The following SP140 variants were observed in gnomAD, a reference collection of about 807,000 sequenced individuals.
SP140 encodes nuclear body protein SP140.
Under a neutral mutation model 125.0 loss-of-function variants are expected in SP140, and 81 were observed. The observed-to-expected ratio is 0.65, with a 90% CI of 0.54 to 0.78. The LOEUF (loss-of-function observed/expected upper bound fraction) is 0.78, where lower values mean the gene tolerates loss of function less well. Among genes scored for constraint, SP140 ranks in the 30% least tolerant of loss-of-function variants. The pLI is 0.00. For synonymous variants in SP140, 312 were observed against 354.0 expected, an observed-to-expected ratio of 0.88 and a Z score of 1.33; for missense variants, 858 against 1,037.0, an observed-to-expected ratio of 0.83 and a Z score of 2.37.
chr2:230,283,219 C>T (rs2055866476), intron 15 of SP140, among the ~76,000 whole-genome samples: 1 of 152,192 alleles, frequency 6.6e-6, no homozygotes, highest in African/African-American at 2.4e-5. Context: ...TTCTGAAAGA[C>T]AGATATCACC....
intron 22 of SP140, among the ~76,000 whole-genome samples, chr2:230,297,697 C>A (rs2057882181): frequency 6.6e-6 from 1 of 152,162 alleles, no homozygotes; most frequent in African/African-American, 2.4e-5. Flanking sequence ...TCCTTATTTC[C>A]CCTGGAAAGT....
chr2:230,279,388 G>A (rs530243794), intron 15 of SP140, among the ~76,000 whole-genome samples: 1 of 151,904 alleles, frequency 6.6e-6, no homozygotes, highest in South Asian at 2.1e-4. Flanking sequence ...AAACAAACTG[G>A]AGGCATCATA....
At chr2:230,292,545 G>T (rs560092543) in intron 19 of SP140, 101 bp from the exon 20 acceptor site, 9 of 1,468,780 alleles carry the variant, frequency 6.1e-6, no homozygotes, top group African/African-American at 2.8e-5. Flanking sequence ...CTATTGATCT[G>T]CATCACAAAT....
intron 9 of SP140, among the ~76,000 whole-genome samples, chr2:230,249,195 T>C (rs3813466): frequency 0.64 from 96,548 of 151,944 alleles, 31,051 homozygotes; most frequent in African/African-American, 0.7. Flanking sequence ...GCATGGGGAA[T>C]GTAGGGAGAA....
intron 15 of SP140, among the ~76,000 whole-genome samples, chr2:230,281,669 C>G (rs1055542177): frequency 3.9e-5 from 6 of 152,110 alleles, no homozygotes; most frequent in African/African-American, 1.4e-4. Flanking sequence ...AGCATATTCT[C>G]TTTAGAGTGG....
intron 3 of SP140, chr2:230,238,776 G>A (rs749328523): frequency 9.2e-5 from 142 of 1,551,744 alleles, no homozygotes; most frequent in Non-Finnish European, 1.1e-4. Context: ...TTATCATCCA[G>A]TGCAGTCCTG....
chr2:230,269,600 C>T lies in SP140; in HGVS notation c.1309C>T (p.Leu437=), dbSNP rs2053623056. 3.2e-6 allele frequency: 5 copies of T among 1,577,806 alleles called. No homozygotes were observed. The highest frequency in any genetic ancestry group is 4.3e-6 in the Non-Finnish European group (5 of 1,156,518). ...GESEELASSL[L]YDNVPGAEQS... ...ATCAGAAGAGCTTGCTTCTAGCCTG[C>T]TATATGATAATGTACCAGGTAATTA... Residue 437 remains leucine, a synonymous_variant, in exon 13 of 27, where the codon CTA becomes TTA. Transcript: ENST00000392045.
At chr2:230,233,544 C>A (rs1007329774) in intron 1 of SP140, among the ~76,000 whole-genome samples, 11 of 151,678 alleles carry the variant, frequency 7.3e-5, no homozygotes, top group African/African-American at 2.7e-4. Context: ...TATCGAGAAC[C>A]CCAAAGAACT....
At chr2:230,221,339 GT>G (rs1363752636), upstream of SP140, among the ~76,000 whole-genome samples, 10 of 150,818 alleles carry the variant, frequency 6.6e-5, no homozygotes, top group African/African-American at 2.4e-4. Context: ...ATTCTCAAAT[GT>G]ATTTGACCCA....
chr2:230,203,695 T>C (rs1184952615), intron 1 of SP140: 1 of 152,234 alleles, frequency 6.6e-6, no homozygotes, highest in Non-Finnish European at 1.5e-5. Context: ...GAGAGTGTGG[T>C]ATGTATATTT....
At chr2:230,311,927 T>C (rs898297413) in intron 26 of SP140, among the ~76,000 whole-genome samples, 12 of 152,212 alleles carry the variant, frequency 7.9e-5, no homozygotes, top group Admixed American at 7.2e-4. Flanking sequence ...TTGTGCTTCT[T>C]ATCTGCTCCC....
At chr2:230,293,513 T>C (rs1323764683) in intron 20 of SP140, among the ~76,000 whole-genome samples, 6 of 152,052 alleles carry the variant, frequency 3.9e-5, no homozygotes, top group Non-Finnish European at 8.8e-5. Flanking sequence ...ATTTTTGTAT[T>C]TTTAGTAGAA....
downstream of SP140, among the ~76,000 whole-genome samples, chr2:230,316,476 G>C (rs1055823470): frequency 6.6e-6 from 1 of 152,104 alleles, no homozygotes; most frequent in South Asian, 2.1e-4. Flanking sequence ...GAGGCAGTGG[G>C]TATACCATCT....
intron 8 of SP140, among the ~76,000 whole-genome samples, chr2:230,248,469 G>GA (rs1308822937): frequency 3.3e-5 from 5 of 151,566 alleles, no homozygotes; most frequent in South Asian, 2.1e-4. Flanking sequence ...AGGCTTTAAG[G>GA]AAAAAAAATG....
intron 12 of SP140, among the ~76,000 whole-genome samples, chr2:230,267,726 A>G (rs2053342970): frequency 6.6e-6 from 1 of 152,226 alleles, no homozygotes; most frequent in South Asian, 2.1e-4. Context: ...AGAGGCCACT[A>G]TATTTCAGTA....
At chr2:230,210,863 A>G (rs181169099) in intron 1 of SP140, among the ~76,000 whole-genome samples, 5 of 152,362 alleles carry the variant, frequency 3.3e-5, no homozygotes, top group Admixed American at 6.5e-5. Flanking sequence ...TATTCATAAT[A>G]TCAACTCTTA....
chr2:230,292,829 T>A (rs369235059), intron 20 of SP140, 41 bp downstream of exon 20: 1 of 1,611,986 alleles, frequency 6.2e-7, no homozygotes, highest in Non-Finnish European at 8.5e-7. Context: ...TTCCTTCTTG[T>A]TCCCTAATAA....
intron 11 of SP140, among the ~76,000 whole-genome samples, chr2:230,254,913 G>A (rs2050908113): frequency 6.6e-6 from 1 of 152,074 alleles, no homozygotes; most frequent in Non-Finnish European, 1.5e-5. Flanking sequence ...CACTTCCCCT[G>A]TACTATGTGT....
At chr2:230,224,368 G>A (rs1396729695), upstream of SP140, among the ~76,000 whole-genome samples, 1 of 151,390 alleles carries the variant, frequency 6.6e-6, no homozygotes, top group Non-Finnish European at 1.5e-5. Context: ...ATGGAGACTG[G>A]GAGGAGAGGA....
Sources: allele counts gnomAD v4.1 joint callset (sites outside exome capture counted in the v4.1 genomes callset), GRCh38; gene constraint gnomAD v4.1.1; transcripts MANE v1.5; gene names NCBI Gene and HGNC (gene_info 2026-07-23, HGNC 2026-07-21).